CNTNAP2: variants seen among roughly 807,000 people sequenced by gnomAD.
CNTNAP2 encodes contactin associated protein 2, also known as contactin-associated protein-like 2.
CNTNAP2 carries 98 observed loss-of-function variants against 155.2 expected under a neutral mutation model. The ratio of observed to expected loss-of-function variants is 0.63; its 90% confidence interval spans 0.54 to 0.75. The LOEUF is 0.75. Among genes scored for constraint, CNTNAP2 ranks in the 30% least tolerant of loss-of-function variants. The pLI, the probability that CNTNAP2 is intolerant of heterozygous loss-of-function variation, is 0.00. For missense variants in CNTNAP2, 1,727 were observed against 1,688.1 expected (o/e 1.02, Z -0.40); for synonymous variants, 651 against 631.2 (o/e 1.03, Z -0.47).
At position 146,537,346 on chromosome 7, in the gene CNTNAP2, A is replaced by C. The variant is rs375816810; in HGVS notation, c.98-236925A>C. Reference sequence around the variant, plus strand: ...AAATTAATGCCTATTTTAAAACATTAAAATACCTACATTTTAATCTCCTAA... The same window carrying C: ...AAATTAATGCCTATTTTAAAACATTCAAATACCTACATTTTAATCTCCTAA... On this transcript the variant is annotated intron_variant, in intron 1 of 23. Transcript: ENST00000361727. Among the ~76,000 whole-genome samples the C allele has an allele frequency of 3.0e-3, 458 of 152,242 alleles. 2 individuals are homozygous for C. The highest frequency in any genetic ancestry group is 0.011 in the African/African-American group (448 of 41,552).
intron 1 of CNTNAP2, among the ~76,000 whole-genome samples, chr7:146,760,286 A>G (rs1404087466): frequency 2.6e-5 from 4 of 151,512 alleles, no homozygotes; most frequent in Non-Finnish European, 5.9e-5. Context: ...TCTTCTTCCT[A>G]TTACTTCTCA....
intron 1 of CNTNAP2, among the ~76,000 whole-genome samples, chr7:146,289,247 T>A (rs1361960485): frequency 6.6e-6 from 1 of 152,188 alleles, no homozygotes. Flanking sequence ...TAAATTTAAA[T>A]GAACAAAGTT....
intron 3 of CNTNAP2, among the ~76,000 whole-genome samples, chr7:147,009,232 T>C (rs995294450): frequency 6.6e-6 from 1 of 152,098 alleles, no homozygotes; most frequent in Non-Finnish European, 1.5e-5. Flanking sequence ...TACTATTTAG[T>C]AGTGGGAGTA....
intron 21 of CNTNAP2, among the ~76,000 whole-genome samples, chr7:148,355,836 C>A (rs1798503795): frequency 6.6e-6 from 1 of 152,218 alleles, no homozygotes; most frequent in South Asian, 2.1e-4. Flanking sequence ...AGGAAAGCCA[C>A]ATCATGTGCT....
intron 21 of CNTNAP2, among the ~76,000 whole-genome samples, chr7:148,358,120 G>C (rs539170011): frequency 8.4e-4 from 128 of 152,288 alleles, no homozygotes; most frequent in Middle Eastern, 3.4e-3. Context: ...GTTCAGCCTA[G>C]GGGTGTTCAA....
At chr7:147,842,304 C>T (rs1014842619) in intron 13 of CNTNAP2, among the ~76,000 whole-genome samples, 1 of 152,212 alleles carries the variant, frequency 6.6e-6, no homozygotes, top group African/African-American at 2.4e-5. Flanking sequence ...TAGTCCCTTA[C>T]AGACTAAGAA....
chr7:148,126,781 C>T (rs1403791705), intron 16 of CNTNAP2, among the ~76,000 whole-genome samples: 3 of 152,038 alleles, frequency 2.0e-5, no homozygotes, highest in East Asian at 1.9e-4. Flanking sequence ...GACGCGAAGC[C>T]GTTTGAAGAC....
chr7:147,426,051 A>C (rs1007139598), intron 10 of CNTNAP2, among the ~76,000 whole-genome samples: 1 of 152,074 alleles, frequency 6.6e-6, no homozygotes, highest in Admixed American at 6.6e-5. Context: ...GTAATTTGTA[A>C]ATGGTAATTT....
intron 1 of CNTNAP2, among the ~76,000 whole-genome samples, chr7:146,532,904 G>A (rs1031865632): frequency 6.6e-6 from 1 of 151,672 alleles, no homozygotes; most frequent in African/African-American, 2.4e-5. Flanking sequence ...CCAATGTGCT[G>A]AAACCCCATC....
chr7:146,705,255 G>A (rs344451), intron 1 of CNTNAP2, among the ~76,000 whole-genome samples: 35,501 of 152,082 alleles, frequency 0.23, 10,449 homozygotes, highest in African/African-American at 0.69. Flanking sequence ...CACAAAACCC[G>A]TAAACTGGGT....
intron 18 of CNTNAP2, among the ~76,000 whole-genome samples, chr7:148,186,531 G>A (rs1205986513): frequency 1.3e-5 from 2 of 152,100 alleles, no homozygotes; most frequent in Admixed American, 1.3e-4. Flanking sequence ...ACCACATGAG[G>A]CAGCCCTCTT....
At chr7:147,780,602 A>G (rs949777722) in intron 13 of CNTNAP2, among the ~76,000 whole-genome samples, 2 of 152,218 alleles carry the variant, frequency 1.3e-5, no homozygotes, top group East Asian at 1.9e-4. Context: ...AATAAGAGGC[A>G]TGAAACTACT....
intron 1 of CNTNAP2, among the ~76,000 whole-genome samples, chr7:146,319,533 C>T (rs1055409011): frequency 3.9e-5 from 6 of 152,164 alleles, no homozygotes; most frequent in Non-Finnish European, 5.9e-5. Context: ...ACTCAACTCA[C>T]TTCTTATAGC....
At chr7:146,639,300 A>G (rs906949818) in intron 1 of CNTNAP2, among the ~76,000 whole-genome samples, 4 of 152,190 alleles carry the variant, frequency 2.6e-5, no homozygotes, top group African/African-American at 7.2e-5. Flanking sequence ...TTACCGGAAA[A>G]AGCATGATGT....
chr7:148,329,766 CA>C (rs1161076790), intron 21 of CNTNAP2, among the ~76,000 whole-genome samples: 3 of 152,186 alleles, frequency 2.0e-5, no homozygotes, highest in Non-Finnish European at 4.4e-5. Context: ...ATTTTAATGA[CA>C]GGGACGTTCT....
intron 19 of CNTNAP2, among the ~76,000 whole-genome samples, chr7:148,222,668 A>G (rs1795774649): frequency 2.0e-5 from 3 of 152,160 alleles, no homozygotes; most frequent in Admixed American, 1.3e-4. Context: ...TTAAGTTTCA[A>G]CCTGAGTTTT....
At chr7:148,266,161 G>T (rs10247343) in intron 20 of CNTNAP2, among the ~76,000 whole-genome samples, 4 of 152,046 alleles carry the variant, frequency 2.6e-5, no homozygotes, top group African/African-American at 9.7e-5. Context: ...CTTATAACCC[G>T]CACCTCTCGT....
At chr7:147,791,451 C>CTTTTTTTTTTTTTTTTTTTTTTTT (rs1240752761) in intron 13 of CNTNAP2, among the ~76,000 whole-genome samples, 1 of 132,626 alleles carries the variant, frequency 7.5e-6, no homozygotes, top group African/African-American at 2.9e-5. Context: ...GTCTCTCTCT[C>CTTTTTTTTTTTTTTTTTTTTTTTT]TCTTTTTTTT....
intron 1 of CNTNAP2, among the ~76,000 whole-genome samples, chr7:146,734,481 A>C (rs1585065190): frequency 6.6e-6 from 1 of 151,700 alleles, no homozygotes; most frequent in Non-Finnish European, 1.5e-5. Flanking sequence ...ATAAGAAGGA[A>C]TGATGATATT....
Sources: allele counts gnomAD v4.1 joint callset (sites outside exome capture counted in the v4.1 genomes callset), GRCh38; gene constraint gnomAD v4.1.1; transcripts MANE v1.5; gene names NCBI Gene and HGNC (gene_info 2026-07-23, HGNC 2026-07-21).